The following GUCY2C variants were observed in gnomAD, a reference collection of about 807,000 sequenced individuals.
The protein encoded by GUCY2C is guanylyl cyclase C.
Under a neutral mutation model 131.1 loss-of-function variants are expected in GUCY2C, and 118 were observed. That is an observed-to-expected ratio of 0.90 (90% CI 0.78 to 1.05). GUCY2C has a LOEUF of 1.05. Among genes scored for constraint, GUCY2C ranks in the 50% least tolerant of loss-of-function variants. The pLI is 0.00. For missense variants in GUCY2C, 1,161 were observed against 1,304.4 expected, an observed-to-expected ratio of 0.89 and a Z score of 1.69; for synonymous variants, 452 against 457.8, an observed-to-expected ratio of 0.99 and a Z score of 0.16.
chr12:14,681,468 A>C lies in GUCY2C; in HGVS notation c.621T>G (p.Asn207Lys). 6.3e-7 allele frequency: 1 copy of C among 1,577,988 alleles called. No individual in the cohort carries two copies. Among genetic ancestry groups the C allele is most frequent in the East Asian group, 2.3e-5 (1 of 43,598 alleles). ...AATAGGAAACGCTAGCCTCCAGAGC[A>C]TTAAGGTACCTGGAATAGGAAAAAG... ...TETEDCFWYL[N>K]ALEASVSYFS... The change falls in exon 5 of 27, where the codon AAT becomes AAG. Residue 207 changes from asparagine (N) to lysine (K), a missense_variant. Coordinates refer to ENST00000261170, the MANE Select transcript of GUCY2C (RefSeq NM_004963.4).
At chr12:14,651,340 A>G (rs1947654684) in intron 15 of GUCY2C, 67 bp downstream of exon 15, 2 of 815,674 alleles carry the variant, frequency 2.5e-6, no homozygotes, top group Non-Finnish European at 4.2e-6. Flanking sequence ...TACTCGGTAA[A>G]TATTTTAAAA....
intron 2 of GUCY2C, among the ~76,000 whole-genome samples, chr12:14,687,716 A>T (rs1159873630): frequency 6.6e-6 from 1 of 152,254 alleles, no homozygotes. Flanking sequence ...ATGAAAGTGT[A>T]CACACAGTAC....
intron 24 of GUCY2C, among the ~76,000 whole-genome samples, chr12:14,618,278 C>T (rs551979205): frequency 6.6e-6 from 1 of 152,202 alleles, no homozygotes; most frequent in South Asian, 2.1e-4. Flanking sequence ...TTTGGGGGAC[C>T]AAGGCAGGAG....
intron 11 of GUCY2C, among the ~76,000 whole-genome samples, chr12:14,660,508 G>T (rs1322642128): frequency 6.6e-6 from 1 of 152,154 alleles, no homozygotes; most frequent in Non-Finnish European, 1.5e-5. Flanking sequence ...TAAAATAGGA[G>T]ATTTGGAATA....
intron 25 of GUCY2C, among the ~76,000 whole-genome samples, chr12:14,615,437 G>T (rs1053564633): frequency 6.6e-6 from 1 of 151,836 alleles, no homozygotes; most frequent in African/African-American, 2.4e-5. Context: ...GGCATTTCTG[G>T]GGCCCATCTG....
chr12:14,659,910 T>C (rs971565286), intron 11 of GUCY2C, among the ~76,000 whole-genome samples: 2 of 152,228 alleles, frequency 1.3e-5, no homozygotes, highest in Non-Finnish European at 2.9e-5. Context: ...GTTATTATCT[T>C]TGATCTTGTG....
chr12:14,688,219 CCT>C (rs1361100898), intron 1 of GUCY2C, among the ~76,000 whole-genome samples, 156 bp from the exon 2 acceptor site: 6 of 151,968 alleles, frequency 3.9e-5, no homozygotes, highest in Admixed American at 2.6e-4. Flanking sequence ...TCACTTTTTT[CCT>C]CTGTGTGTCT....
At chr12:14,675,352 T>C (rs759061240) in intron 7 of GUCY2C, among the ~76,000 whole-genome samples, 1 of 151,564 alleles carries the variant, frequency 6.6e-6, no homozygotes, top group Non-Finnish European at 1.5e-5. Flanking sequence ...TAAGCAGTTA[T>C]ACTTCATTCC....
chr12:14,671,854 C>T (rs1326672431), intron 9 of GUCY2C, among the ~76,000 whole-genome samples: 2 of 152,116 alleles, frequency 1.3e-5, no homozygotes, highest in Non-Finnish European at 1.5e-5. Flanking sequence ...GGTATTCTTA[C>T]GGAATGTATG....
At chr12:14,693,895 C>G (rs923275717) in intron 1 of GUCY2C, among the ~76,000 whole-genome samples, 5 of 152,240 alleles carry the variant, frequency 3.3e-5, no homozygotes, top group Admixed American at 1.3e-4. Context: ...AAGGCTCTAA[C>G]TAACATACTA....
At chr12:14,630,442 G>T (rs1342792022) in intron 19 of GUCY2C, among the ~76,000 whole-genome samples, 2 of 152,148 alleles carry the variant, frequency 1.3e-5, no homozygotes, top group Non-Finnish European at 2.9e-5. Context: ...AATGGGAATG[G>T]AAAATGTTTG....
rs375648585 is a variant in GUCY2C, at chr12:14,648,182, G to A, written c.1711-2867C>T. ...TCACTATGTTGGCCAGGCTGGTCTCGAACTCCTGACCTCGTGTCCCACCCG... is the reference window on the plus strand; with the variant it reads ...TCACTATGTTGGCCAGGCTGGTCTCAAACTCCTGACCTCGTGTCCCACCCG... On this transcript the variant is annotated intron_variant, in intron 15 of 26. Transcript: ENST00000261170. Among the ~76,000 whole-genome samples, 8 of 151,314 alleles carry A rather than the reference G, an allele frequency of 5.3e-5. No homozygotes were observed. The South Asian group carries it at 6.3e-4, about 12-fold the overall frequency.
intron 26 of GUCY2C, chr12:14,614,457 A>C (rs567206084): frequency 1.2e-5 from 2 of 164,818 alleles, no homozygotes; most frequent in African/African-American, 4.8e-5. Flanking sequence ...AAATAAAATG[A>C]AATAAATGAA....
chr12:14,630,992 T>C (rs1043824128), intron 19 of GUCY2C, among the ~76,000 whole-genome samples: 2 of 152,088 alleles, frequency 1.3e-5, no homozygotes, highest in Admixed American at 6.5e-5. Flanking sequence ...AAGAAAGGAA[T>C]GAGGAGAAGG....
At chr12:14,671,301 C>T (rs533929249) in intron 9 of GUCY2C, among the ~76,000 whole-genome samples, 1 of 152,224 alleles carries the variant, frequency 6.6e-6, no homozygotes, top group South Asian at 2.1e-4. Context: ...CCATGCCCGG[C>T]TAATTTTTGT....
intron 1 of GUCY2C, among the ~76,000 whole-genome samples, chr12:14,694,096 G>A (rs1178040567): frequency 1.3e-5 from 2 of 150,648 alleles, no homozygotes; most frequent in African/African-American, 5.0e-5. Context: ...TATTCATATC[G>A]GGTAACTACC....
At chr12:14,640,480 G>A (rs1188030991) in intron 18 of GUCY2C, among the ~76,000 whole-genome samples, 2 of 132,146 alleles carry the variant, frequency 1.5e-5, no homozygotes, top group African/African-American at 2.8e-5. Context: ...AAAAAAAAAA[G>A]AAAGAAAAGA....
In GUCY2C at chr12:14,674,745, C is replaced by A; in HGVS notation, c.964G>T (p.Ala322Ser). The change falls in exon 8 of 27, where the codon GCT becomes TCT. Residue 322 changes from alanine to serine, a missense_variant. By Grantham distance (99) the Ala-to-Ser change is moderately conservative (BLOSUM62 1). Coordinates refer to ENST00000261170, the MANE Select transcript of GUCY2C (RefSeq NM_004963.4). ...RNLSPTKRDF[A>S]LAYLNGILLF... ...AGGATTCCATTCAAATAGGCAAGAG[C>A]AAAGTCTCGTTTTGTCTAAATAAAA... is the stretch of plus-strand genomic sequence containing the variant. 1 of 1,609,408 alleles carries A rather than the reference C, an allele frequency of 6.2e-7. No homozygotes were observed. Among genetic ancestry groups the A allele is most frequent in the Non-Finnish European group, 8.5e-7 (1 of 1,177,400 alleles).
At chr12:14,651,744 T>C (rs1042751285) in intron 14 of GUCY2C, among the ~76,000 whole-genome samples, 2 of 152,284 alleles carry the variant, frequency 1.3e-5, no homozygotes, top group Middle Eastern at 3.4e-3. Flanking sequence ...TAATATCAGG[T>C]CCACTTTCCA....
Sources: gnomAD v4.1 joint callset for allele counts (sites outside exome capture counted in the v4.1 genomes callset) on GRCh38, gnomAD v4.1.1 for gene constraint, MANE v1.5 for transcripts, NCBI Gene and HGNC (gene_info 2026-07-23, HGNC 2026-07-21) for gene names.